SRRM2: variants seen among roughly 807,000 people sequenced by gnomAD.
SRRM2 encodes the protein serine/arginine repetitive matrix protein 2.
SRRM2 carries 30 observed loss-of-function variants against 213.8 expected under a neutral mutation model. The ratio of observed to expected loss-of-function variants is 0.14; its 90% CI spans 0.10 to 0.19. The LOEUF is 0.19. SRRM2 is among the 10% of genes least tolerant of loss of function. The probability of loss-of-function intolerance (pLI) is 1.00; values close to 1 mark genes in which losing one functional copy is unlikely to be tolerated. For missense variants in SRRM2, 4,904 were observed against 3,647.0 expected (o/e 1.34, Z -8.88); for synonymous variants, 2,025 against 1,377.7 (o/e 1.47, Z -10.40).
chr16:2,758,343 C>A, intron 4 of SRRM2, 127 bp from the exon 5 acceptor site: 1 of 893,276 alleles, frequency 1.1e-6, no homozygotes, highest in Non-Finnish European at 1.8e-6. Flanking sequence ...TGCACCCCAC[C>A]TGAGGCAACA....
At position 2,767,405 on chromosome 16, in the gene SRRM2, C is replaced by T. The variant is rs1038797583; in HGVS notation, c.6877C>T (p.Pro2293Ser). ...GGCTGACCCTCGCACTCCCACAGCC[C>T]CAGCTGTGAACCTAGCAGGGGCCAG... ...NLADPRTPTAPAVNLAGARTP... is the reference protein window; with the variant it reads ...NLADPRTPTASAVNLAGARTP... The change falls in exon 11 of 15, where the codon CCA (proline) becomes TCA (serine). Residue 2293 changes from proline (P) to serine (S), a missense_variant. Coordinates refer to ENST00000301740, the MANE Select transcript of SRRM2 (RefSeq NM_016333.4). 39 of 1,613,910 alleles carry T rather than the reference C, an allele frequency of 2.4e-5. No homozygotes were observed. Among genetic ancestry groups the T allele is most frequent in the African/African-American group, 4.0e-5 (3 of 74,922 alleles).
chr16:2,758,505 C>T lies in SRRM2; in HGVS notation c.551C>T (p.Thr184Ile), dbSNP rs376567081. ...VRESSSSRSP[T>I]PKQKKKKKKK... Reference sequence around the variant, plus strand: ...GAGTCTAGCAGTTCTCGCTCACCAACCCCAAAGCAGAAGAAGAAGAAAAAG... The same window carrying T: ...GAGTCTAGCAGTTCTCGCTCACCAATCCCAAAGCAGAAGAAGAAGAAAAAG... Residue 184 changes from threonine to isoleucine, a missense_variant, in exon 5 of 15, where the codon ACC becomes ATC. Coordinates refer to ENST00000301740, the MANE Select transcript of SRRM2 (RefSeq NM_016333.4). The T allele has an allele frequency of 2.5e-6, 4 of 1,614,026 alleles. No individual in the cohort carries two copies. In the South Asian group the frequency reaches 3.3e-5, roughly 13 times the overall value.
Position 2,765,761 on chromosome 16 carries a change from C to T in SRRM2, c.5233C>T (p.Arg1745Trp), listed in dbSNP as rs745765494. 1.5e-5 allele frequency: 25 copies of T among 1,614,016 alleles called. 1 individual carries two copies. The highest frequency in any genetic ancestry group is 1.6e-4 in the Middle Eastern group (1 of 6,084). ...PAEKSRSSRR[R>W]RSASSPRTKT... The stretch of plus-strand genomic sequence containing the variant: ...CGAAAAATCGAGGTCTTCACGCCGA[C>T]GGCGCTCAGCTTCATCTCCACGCAC... Residue 1745 changes from arginine to tryptophan, a missense_variant, in exon 11 of 15, where the codon CGG becomes TGG. Transcript: ENST00000301740.
intron 12 of SRRM2, 117 bp from the exon 13 acceptor site, chr16:2,770,235 T>G: frequency 6.9e-7 from 1 of 1,458,138 alleles, no homozygotes; most frequent in Non-Finnish European, 9.1e-7. Context: ...AAGGTGGGTC[T>G]GAGGCTGGCC....
rs1475922417 is a variant in SRRM2 at position 2,768,012 on chromosome 16, C to T, written c.7484C>T (p.Ser2495Phe). The change falls in exon 11 of 15, where the codon TCT (serine) becomes TTT (phenylalanine). Residue 2495 changes from serine (S) to phenylalanine (F), a missense_variant. By Grantham distance (155) the Ser-to-Phe change is radical (BLOSUM62 -2). Transcript: ENST00000301740. ...GCTGGTGATCACAATGGCATGCTCTCTGTCCCTGCCCCTGGGGTGCCCCAC... is the reference window on the plus strand; with the variant it reads ...GCTGGTGATCACAATGGCATGCTCTTTGTCCCTGCCCCTGGGGTGCCCCAC... Reference protein sequence around the residue: ...SSAGDHNGMLSVPAPGVPHSD... With the variant: ...SSAGDHNGMLFVPAPGVPHSD... 6.2e-7 allele frequency: 1 copy of T among 1,614,232 alleles called. No individual in the cohort carries two copies. Among genetic ancestry groups the T allele is most frequent in the Non-Finnish European group, 8.5e-7 (1 of 1,180,046 alleles).
chr16:2,754,268 T>C (rs573349040), intron 1 of SRRM2, among the ~76,000 whole-genome samples: 2 of 151,966 alleles, frequency 1.3e-5, no homozygotes, highest in South Asian at 2.1e-4. Context: ...TGACCTAATA[T>C]CCTTTGCTTA....
At chr16:2,754,386 C>CG in intron 1 of SRRM2, among the ~76,000 whole-genome samples, 1 of 152,144 alleles carries the variant, frequency 6.6e-6, no homozygotes, top group East Asian at 1.9e-4. Flanking sequence ...TTCCGCCTCC[C>CG]GGGTTCAAGC....
Position 2,761,848 on chromosome 16 carries a change from T to G in SRRM2, c.1320T>G (p.Ser440Arg). ...VSRHASSSPESPKPAPAPGSH... is the reference protein window; with the variant it reads ...VSRHASSSPERPKPAPAPGSH... ...GGCATGCCAGCTCTTCCCCAGAAAGTCCTAAACCTGCTCCAGCTCCAGGGT... is the reference window on the plus strand; with the variant it reads ...GGCATGCCAGCTCTTCCCCAGAAAGGCCTAAACCTGCTCCAGCTCCAGGGT... The change falls in exon 11 of 15, where the codon AGT becomes AGG. Residue 440 changes from serine to arginine, a missense_variant. Transcript: ENST00000301740. The G allele has an allele frequency of 6.2e-7, 1 of 1,612,820 alleles. No individual in the cohort carries two copies. Among genetic ancestry groups the G allele is most frequent in the Non-Finnish European group, 8.5e-7 (1 of 1,179,874 alleles).
chr16:2,753,119 G>GGC (rs914167970), intron 1 of SRRM2, among the ~76,000 whole-genome samples: 2 of 151,850 alleles, frequency 1.3e-5, no homozygotes, highest in African/African-American at 4.8e-5. Flanking sequence ...GAGGGGGGAG[G>GGC]GCGCGCGCCT....
At position 2,765,651 on chromosome 16, in the gene SRRM2, G is replaced by T; in HGVS notation, c.5123G>T (p.Arg1708Leu). The T allele has an allele frequency of 6.2e-7, 1 of 1,614,086 alleles. No homozygotes were observed. The highest frequency in any genetic ancestry group is 8.5e-7 in the Non-Finnish European group (1 of 1,179,994). ...AAGGCCAGACTGTCCCGTAGAAGCC[G>T]CTCTGCCTCATCCTCACCAGAAACT... ...TRKARLSRRS[R>L]SASSSPETRS... Residue 1708 changes from arginine to leucine, a missense_variant, in exon 11 of 15, where the codon CGC becomes CTC. Coordinates refer to ENST00000301740, the MANE Select transcript of SRRM2 (RefSeq NM_016333.4).
In SRRM2 at chr16:2,762,336, G is replaced by C; in HGVS notation, c.1808G>C (p.Arg603Thr). 6.2e-7 allele frequency: 1 copy of C among 1,614,046 alleles called. No homozygotes were observed. The highest frequency in any genetic ancestry group is 8.5e-7 in the Non-Finnish European group (1 of 1,179,894). ...CGATCCAGAACTCCCACCAGGCGTA[G>C]GTCTCGGTCTAGAACACCAGCCCGG... ...RSRSRTPTRR[R>T]SRSRTPARRG... The change falls in exon 11 of 15, where the codon AGG (arginine) becomes ACG (threonine). Residue 603 changes from arginine to threonine, a missense_variant. By Grantham distance (71) the Arg-to-Thr change is moderately conservative. Coordinates refer to ENST00000301740, the MANE Select transcript of SRRM2 (RefSeq NM_016333.4).
chr16:2,760,559 T>C (rs983899968), intron 10 of SRRM2, 60 bp downstream of exon 10: 12 of 1,581,384 alleles, frequency 7.6e-6, no homozygotes, highest in African/African-American at 1.3e-5. Flanking sequence ...AGGATAGACA[T>C]GTGATGTGAA....
In SRRM2 at chr16:2,761,983, T is replaced by C. The variant is rs201854998; in HGVS notation, c.1455T>C (p.Arg485=). 361 of 1,614,056 alleles carry C rather than the reference T, an allele frequency of 2.2e-4. 1 individual carries two copies. Among genetic ancestry groups the C allele is most frequent in the Non-Finnish European group, 2.7e-4 (314 of 1,180,024 alleles). Residue 485 remains arginine, a synonymous_variant, in exon 11 of 15, where the codon CGT becomes CGC. Transcript: ENST00000301740. ...HTPSRRMGRS[R]SPATAKRGRS... ...CCTCCCGTAGGATGGGGAGGTCCCGTAGCCCTGCCACCGCTAAGAGAGGGC... is the reference window on the plus strand; with the variant it reads ...CCTCCCGTAGGATGGGGAGGTCCCGCAGCCCTGCCACCGCTAAGAGAGGGC...
At position 2,757,518 on chromosome 16, in the gene SRRM2, A is replaced by G. The variant is rs776559710; in HGVS notation, c.289A>G (p.Met97Val). The G allele has an allele frequency of 4.3e-6, 7 of 1,613,982 alleles. No individual in the cohort carries two copies. The African/African-American group carries it at 8.0e-5, about 18-fold the overall frequency. Residue 97 changes from methionine (M) to valine (V), a missense_variant, in exon 3 of 15, where the codon ATG (methionine) becomes GTG (valine). Coordinates refer to ENST00000301740, the MANE Select transcript of SRRM2 (RefSeq NM_016333.4). ...GGAAAAAGTGGCGACCTTTCGACTC[A>G]TGTTGCTGGAGAAGGATGTGAACCC... The part of the protein sequence containing the change: ...IQEKVATFRL[M>V]LLEKDVNPGG...
chr16:2,759,195 G>C (rs369302841), intron 7 of SRRM2, 23 bp downstream of exon 7: 5 of 1,613,190 alleles, frequency 3.1e-6, no homozygotes, highest in Non-Finnish European at 4.2e-6. Context: ...TAACTCATAG[G>C]GGGCGCAGTG....
rs2068454542 is a variant in SRRM2, at chr16:2,764,052, A to T, written c.3524A>T (p.Asp1175Val). The T allele has an allele frequency of 1.2e-6, 2 of 1,614,066 alleles. No individual in the cohort carries two copies. The highest frequency in any genetic ancestry group is 2.7e-5 in the African/African-American group (2 of 75,008). Residue 1175 changes from aspartate (D) to valine (V), a missense_variant, in exon 11 of 15, where the codon GAT (aspartate) becomes GTT (valine). Coordinates refer to ENST00000301740, the MANE Select transcript of SRRM2 (RefSeq NM_016333.4). The part of the protein sequence containing the change: ...KEKMALPPQE[D>V]ATASPPRQKD... ...AAAATGGCCTTACCCCCTCAGGAGG[A>T]TGCTACTGCATCACCTCCTAGACAG...
In SRRM2 at chr16:2,766,500, G is replaced by A. The variant is rs549557408; in HGVS notation, c.5972G>A (p.Arg1991Gln). 6.2e-6 allele frequency: 10 copies of A among 1,614,110 alleles called. No individual in the cohort carries two copies. Among genetic ancestry groups the A allele is most frequent in the East Asian group, 2.2e-5 (1 of 44,870 alleles). ...AGATCCAGAACATCTCCGGTCACCCGAAGGAGATCTCGATCTCGCACATCT... is the reference window on the plus strand; with the variant it reads ...AGATCCAGAACATCTCCGGTCACCCAAAGGAGATCTCGATCTCGCACATCT... ...RSRSRTSPVT[R>Q]RRSRSRTSPV... is the part of the protein sequence containing the mutation. Residue 1991 changes from arginine (R) to glutamine (Q), a missense_variant, in exon 11 of 15, where the codon CGA becomes CAA. Arg to Gln is a conservative substitution (Grantham distance 43). Coordinates refer to ENST00000301740, the MANE Select transcript of SRRM2 (RefSeq NM_016333.4). This position sits in a 1 kb window ranked among gnomAD's most constrained non-coding sequence, Gnocchi z 7.0.
rs1251298968 is a variant in SRRM2, at chr16:2,768,136, G to A, written c.7608G>A (p.Ser2536=). Reference sequence around the variant, plus strand: ...AGGAGCGGCGGAGTTCCTCCTCGTCGTCGTCGTCCTCTAGCTCCTCCTCTT... The same window carrying A: ...AGGAGCGGCGGAGTTCCTCCTCGTCATCGTCGTCCTCTAGCTCCTCCTCTT... ...PAKERRSSSS[S]SSSSSSSSSS... is the part of the protein sequence containing the mutation. The change falls in exon 11 of 15, where the codon TCG becomes TCA. Residue 2536 remains serine (S), a synonymous_variant. Transcript: ENST00000301740. 3 of 1,613,630 alleles carry A rather than the reference G, an allele frequency of 1.9e-6. No individual in the cohort carries two copies. Among genetic ancestry groups the A allele is most frequent in the East Asian group, 2.2e-5 (1 of 44,874 alleles).
chr16:2,767,731 C>G lies in SRRM2; in HGVS notation c.7203C>G (p.Leu2401=), dbSNP rs959964321. ...TCAGTGGCAGAACCTCACCACCGCT[C>G]CTTGACCGAGCTAGGTCCAGAACAC... The part of the protein sequence containing the change: ...ERVSGRTSPP[L]LDRARSRTPP... The change falls in exon 11 of 15, where the codon CTC becomes CTG. Residue 2401 remains leucine, a synonymous_variant. Coordinates refer to ENST00000301740, the MANE Select transcript of SRRM2 (RefSeq NM_016333.4). The G allele has an allele frequency of 9.9e-6, 16 of 1,613,788 alleles. No individual in the cohort carries two copies. The highest frequency in any genetic ancestry group is 1.4e-5 in the Non-Finnish European group (16 of 1,179,946).
Sources: allele counts gnomAD v4.1 joint callset (sites outside exome capture counted in the v4.1 genomes callset), GRCh38; gene constraint gnomAD v4.1.1; non-coding constraint Gnocchi (gnomAD v3.1); transcripts MANE v1.5; gene names NCBI Gene and HGNC (gene_info 2026-07-23, HGNC 2026-07-21).